Variants in LINGO2 observed in about 807,000 individuals in gnomAD.
The protein encoded by LINGO2 is leucine-rich repeat and immunoglobulin-like domain-containing nogo receptor-interacting protein 2.
A neutral mutation model predicts 30.6 loss-of-function variants in LINGO2; 14 were observed. The observed-to-expected ratio is 0.46, with a 90% CI of 0.30 to 0.72. LINGO2 has a LOEUF of 0.72. Among genes scored for constraint, LINGO2 ranks in the 30% least tolerant of loss-of-function variants. LINGO2 has a pLI of 0.07. For missense variants in LINGO2, 729 were observed against 751.7 expected (o/e 0.97, Z 0.35); for synonymous variants, 317 against 288.5 (o/e 1.10, Z -1.00).
At position 28,469,709 on chromosome 9, in the gene LINGO2, C is replaced by T. The variant is rs573092138; in HGVS notation, c.-279+6231G>A. ...AGAAAAAAACCTGTCAATCTAGAATCTTATATTTGGCATAAAGTTTCTTCA... is the reference window on the plus strand; with the variant it reads ...AGAAAAAAACCTGTCAATCTAGAATTTTATATTTGGCATAAAGTTTCTTCA... On this transcript the variant is annotated intron_variant, in intron 2 of 5. Transcript: ENST00000379992. Among the ~76,000 whole-genome samples, 61 of 152,194 alleles carry T rather than the reference C, an allele frequency of 4.0e-4. 2 individuals carry two copies. In the Middle Eastern group the frequency reaches 0.017, roughly 42 times the overall value.
At chr9:28,050,735 A>C (rs1293016752) in intron 4 of LINGO2, among the ~76,000 whole-genome samples, 2 of 150,962 alleles carry the variant, frequency 1.3e-5, no homozygotes, top group Non-Finnish European at 2.9e-5. Flanking sequence ...TAAACACCTA[A>C]AGAGTTGGGG....
At chr9:28,886,130 T>C in the LINGO2 span, among the ~76,000 whole-genome samples, 1 of 152,182 alleles carries the variant, frequency 6.6e-6, no homozygotes, top group Admixed American at 6.6e-5. Context: ...ATAAATTAAC[T>C]AAATCAACGA....
intron 1 of LINGO2, among the ~76,000 whole-genome samples, chr9:28,537,007 T>G (rs1291914700): frequency 1.3e-5 from 2 of 152,056 alleles, no homozygotes; most frequent in East Asian, 3.9e-4. Context: ...TCAATGTGAC[T>G]AGTGTCCTTA....
At chr9:28,104,534 A>G (rs747207955) in intron 4 of LINGO2, among the ~76,000 whole-genome samples, 1 of 151,930 alleles carries the variant, frequency 6.6e-6, no homozygotes, top group African/African-American at 2.4e-5. Context: ...GAGCACACTA[A>G]GGACACTACC....
chr9:28,802,641 C>T, the LINGO2 span, among the ~76,000 whole-genome samples: 2 of 151,918 alleles, frequency 1.3e-5, no homozygotes, highest in East Asian at 1.9e-4. Context: ...TAGCATGGAA[C>T]GTTACCCACC....
At chr9:28,712,005 T>G in the LINGO2 span, among the ~76,000 whole-genome samples, 1 of 152,122 alleles carries the variant, frequency 6.6e-6, no homozygotes, top group Non-Finnish European at 1.5e-5. Flanking sequence ...AGCCTTTTCA[T>G]TGGATTACAG....
At chr9:29,008,155 C>T in the LINGO2 span, among the ~76,000 whole-genome samples, 2 of 152,010 alleles carry the variant, frequency 1.3e-5, no homozygotes, top group African/African-American at 4.8e-5. Flanking sequence ...CAATTCCCAC[C>T]TATGAGTGAG....
the LINGO2 span, among the ~76,000 whole-genome samples, chr9:28,938,230 A>G: frequency 6.6e-6 from 1 of 152,214 alleles, no homozygotes; most frequent in Non-Finnish European, 1.5e-5. Flanking sequence ...TGACCTCTGC[A>G]AAGATGGCTA....
the LINGO2 span, among the ~76,000 whole-genome samples, chr9:28,950,802 T>A: frequency 6.6e-6 from 1 of 152,066 alleles, no homozygotes; most frequent in African/African-American, 2.4e-5. Context: ...ATCAATATGG[T>A]GGTGAAAATG....
chr9:28,911,815 C>T, the LINGO2 span, among the ~76,000 whole-genome samples: 3 of 152,042 alleles, frequency 2.0e-5, no homozygotes, highest in African/African-American at 7.2e-5. Context: ...TGTACGTTCT[C>T]TCCATCTAGT....
upstream of LINGO2, among the ~76,000 whole-genome samples, chr9:28,673,669 T>TCATCAA (rs1208474432): frequency 3.3e-5 from 5 of 150,292 alleles, no homozygotes; most frequent in African/African-American, 1.2e-4. Context: ...TCTGTCTCGA[T>TCATCAA]CATCATCATC....
chr9:28,910,070 A>G, the LINGO2 span, among the ~76,000 whole-genome samples: 1 of 152,044 alleles, frequency 6.6e-6, no homozygotes, highest in African/African-American at 2.4e-5. Flanking sequence ...TCCTCCTCTA[A>G]TGCTAATTAA....
the LINGO2 span, among the ~76,000 whole-genome samples, chr9:29,098,276 C>T: frequency 6.6e-5 from 10 of 152,080 alleles, no homozygotes; most frequent in Admixed American, 2.0e-4. Flanking sequence ...GAGTCTCATC[C>T]GTGTAACTGC....
chr9:29,102,805 T>C, the LINGO2 span, among the ~76,000 whole-genome samples: 1 of 152,182 alleles, frequency 6.6e-6, no homozygotes, highest in African/African-American at 2.4e-5. Flanking sequence ...CATCTAGAGA[T>C]ACACTTAGGC....
chr9:28,953,502 G>T, the LINGO2 span, among the ~76,000 whole-genome samples: 1 of 151,894 alleles, frequency 6.6e-6, no homozygotes, highest in Admixed American at 6.6e-5. Flanking sequence ...TAACATAAAT[G>T]ACACATTTTT....
the LINGO2 span, chr9:28,863,801 A>G: frequency 6.1e-6 from 2 of 329,820 alleles, no homozygotes; most frequent in African/African-American, 2.1e-5. Flanking sequence ...TTCACAATCA[A>G]TTGAAGAATA....
At chr9:28,825,568 G>T in the LINGO2 span, among the ~76,000 whole-genome samples, 32,203 of 149,902 alleles carry the variant, frequency 0.21, 4,885 homozygotes, top group African/African-American at 0.44. Flanking sequence ...TTTGTATCTG[G>T]TTTTTTTTTT....
At chr9:28,051,776 G>T (rs1042224151) in intron 4 of LINGO2, among the ~76,000 whole-genome samples, 4 of 151,974 alleles carry the variant, frequency 2.6e-5, no homozygotes, top group African/African-American at 7.2e-5. Context: ...TCAGGAATTT[G>T]TAAGTTGATA....
At chr9:29,124,531 T>C in the LINGO2 span, among the ~76,000 whole-genome samples, 1 of 152,000 alleles carries the variant, frequency 6.6e-6, no homozygotes, top group African/African-American at 2.4e-5. Flanking sequence ...AGGGCTAATA[T>C]CCAGAATCTA....
Sources: allele counts gnomAD v4.1 joint callset (sites outside exome capture counted in the v4.1 genomes callset), GRCh38; gene constraint gnomAD v4.1.1; transcripts MANE v1.5; gene names NCBI Gene and HGNC (gene_info 2026-07-23, HGNC 2026-07-21).